The following PON2 variants were observed in gnomAD, a reference collection of about 807,000 sequenced individuals.
PON2 encodes paraoxonase 2.
PON2 carries 27 observed loss-of-function variants against 36.6 expected under a neutral mutation model. The ratio of observed to expected loss-of-function variants is 0.74; its 90% CI spans 0.54 to 1.02. The LOEUF is 1.02. Ranked by LOEUF, PON2 falls within the 50% of genes least tolerant of loss-of-function variation. The pLI, the probability that PON2 is intolerant of heterozygous loss-of-function variation, is 0.00. For synonymous variants in PON2, 149 were observed against 156.3 expected (o/e 0.95, Z 0.35); for missense variants, 363 against 421.1 (o/e 0.86, Z 1.21).
intron 1 of PON2, among the ~76,000 whole-genome samples, chr7:95,434,675 G>C (rs1042319063): frequency 6.6e-6 from 1 of 152,188 alleles, no homozygotes; most frequent in East Asian, 1.9e-4. Context: ...TCCAAACTTT[G>C]CTAGTTTTTT....
chr7:95,432,760 G>A (rs950999687), intron 1 of PON2, among the ~76,000 whole-genome samples: 2 of 152,174 alleles, frequency 1.3e-5, no homozygotes, highest in Non-Finnish European at 2.9e-5. Flanking sequence ...AGGTCAACAT[G>A]TCCATTTCCT....
chr7:95,413,841 G>A (rs886243070), intron 3 of PON2, among the ~76,000 whole-genome samples: 3 of 152,120 alleles, frequency 2.0e-5, no homozygotes, highest in African/African-American at 7.2e-5. Flanking sequence ...ATATTTTCAT[G>A]GAGGGCAAGC....
intron 2 of PON2, 75 bp from the exon 3 acceptor site, chr7:95,416,372 G>A: frequency 2.0e-6 from 3 of 1,499,238 alleles, no homozygotes; most frequent in Middle Eastern, 1.7e-4. Flanking sequence ...CTGGGACTCT[G>A]TTTACTTTAT....
rs747970545 is a variant in PON2, at chr7:95,406,183, AC to A, written c.841del (p.Val281Ter). The A allele has an allele frequency of 2.5e-6, 4 of 1,612,934 alleles. No individual in the cohort carries two copies. The African/African-American group carries it at 5.3e-5, about 22-fold the overall frequency. ...SIDPSSGDIW[V>X]GCHPNGQKLF... ...CTTCTGGCCATTAGGATGACAGCCT[AC>A]CCAGATGTCCCCCGAGGAAGGATCA... On this transcript the variant is annotated frameshift_variant, in exon 8 of 9. Transcript: ENST00000222572. LOFTEE classifies it high-confidence loss of function.
chr7:95,420,845 T>C (rs1243312474), intron 2 of PON2, among the ~76,000 whole-genome samples: 1 of 152,236 alleles, frequency 6.6e-6, no homozygotes, highest in Non-Finnish European at 1.5e-5. Flanking sequence ...CACATTGTTA[T>C]TTCTTCTTAT....
chr7:95,415,874 C>T (rs1471661299), intron 3 of PON2: 3 of 222,572 alleles, frequency 1.3e-5, no homozygotes, highest in Non-Finnish European at 2.7e-5. Context: ...ATTGCTTGAA[C>T]CCGGGAGGCG....
chr7:95,413,431 T>C (rs1788987145), intron 3 of PON2, among the ~76,000 whole-genome samples: 1 of 152,262 alleles, frequency 6.6e-6, no homozygotes, highest in African/African-American at 2.4e-5. Context: ...TGAGCATTAA[T>C]GCAAATGCAG....
chr7:95,422,917 A>C (rs1398200426), intron 2 of PON2, among the ~76,000 whole-genome samples: 1 of 152,200 alleles, frequency 6.6e-6, no homozygotes, highest in Non-Finnish European at 1.5e-5. Context: ...TAGGTGACAA[A>C]TACAAAAACC....
chr7:95,431,553 G>A (rs1789442243), intron 1 of PON2, among the ~76,000 whole-genome samples: 1 of 151,830 alleles, frequency 6.6e-6, no homozygotes, highest in Admixed American at 6.6e-5. Context: ...CCAAGTAGCT[G>A]GGATTACAGG....
intron 2 of PON2, among the ~76,000 whole-genome samples, chr7:95,423,873 G>A (rs987816226): frequency 1.3e-5 from 2 of 152,076 alleles, no homozygotes; most frequent in African/African-American, 4.8e-5. Flanking sequence ...TCACATGGCG[G>A]CAGCAAGGAG....
chr7:95,405,511 G>A (rs376346826), intron 8 of PON2, 23 bp from the exon 9 acceptor site: 31 of 1,602,158 alleles, frequency 1.9e-5, no homozygotes, highest in Non-Finnish European at 2.7e-5. Flanking sequence ...TACAAAGTAT[G>A]AATATAAGAC....
In PON2 at chr7:95,434,873, C is replaced by T. The variant is rs1789528682; in HGVS notation, c.74+5G>A. 1 of 1,540,214 alleles carries T rather than the reference C, an allele frequency of 6.5e-7. No individual in the cohort carries two copies. Among genetic ancestry groups the T allele is most frequent in the East Asian group, 2.5e-5 (1 of 40,344 alleles). ...CGAGGAGGGGCGCGCGGGAGTCCCA[C>T]CTACCTGAGTGCCAGAAGCCTCTCG... On this transcript the variant is annotated splice_donor_5th_base_variant and intron_variant, in intron 1 of 8. Transcript: ENST00000222572.
chr7:95,408,406 T>G (rs6961773), intron 6 of PON2, among the ~76,000 whole-genome samples: 39,379 of 152,018 alleles, frequency 0.26, 5,516 homozygotes, highest in South Asian at 0.36. Flanking sequence ...GAGGCACAGG[T>G]AGAACCAACA....
At chr7:95,412,141 C>T (rs1393007268) in intron 4 of PON2, among the ~76,000 whole-genome samples, 171 bp downstream of exon 4, 1 of 152,214 alleles carries the variant, frequency 6.6e-6, no homozygotes, top group Non-Finnish European at 1.5e-5. Context: ...TGTAGCATAA[C>T]TTACTGCCAG....
chr7:95,424,125 G>C, intron 2 of PON2: 1 of 254,806 alleles, frequency 3.9e-6, no homozygotes, highest in East Asian at 9.6e-5. Context: ...CCTAGTTATA[G>C]AGTAGTGAGC....
Position 95,406,184 on chromosome 7 carries a change from C to T in PON2, c.841G>A (p.Val281Ile). 6.2e-7 allele frequency: 1 copy of T among 1,612,644 alleles called. No homozygotes were observed. The highest frequency in any genetic ancestry group is 1.1e-5 in the South Asian group (1 of 91,044). ...SIDPSSGDIW[V>I]GCHPNGQKLF... The stretch of plus-strand genomic sequence containing the variant: ...TTCTGGCCATTAGGATGACAGCCTA[C>T]CCAGATGTCCCCCGAGGAAGGATCA... The change falls in exon 8 of 9, where the codon GTA becomes ATA. Residue 281 changes from valine (V) to isoleucine (I), a missense_variant. Transcript: ENST00000222572.
intron 6 of PON2, among the ~76,000 whole-genome samples, chr7:95,409,327 A>C (rs1346363855): frequency 6.6e-6 from 1 of 151,966 alleles, no homozygotes; most frequent in African/African-American, 2.4e-5. Context: ...AACAAAACAA[A>C]AAAAAAACAC....
chr7:95,407,561 T>G (rs564238454), intron 6 of PON2, among the ~76,000 whole-genome samples: 1 of 152,182 alleles, frequency 6.6e-6, no homozygotes, highest in East Asian at 1.9e-4. Context: ...ATAATCTGTC[T>G]ACTTCAAAGG....
At chr7:95,433,521 C>T (rs1415511304) in intron 1 of PON2, among the ~76,000 whole-genome samples, 1 of 152,190 alleles carries the variant, frequency 6.6e-6, no homozygotes, top group African/African-American at 2.4e-5. Flanking sequence ...CTCTATAAAA[C>T]ACAACTAGTT....
Sources: gnomAD v4.1 joint callset for allele counts (sites outside exome capture counted in the v4.1 genomes callset) on GRCh38, gnomAD v4.1.1 for gene constraint, MANE v1.5 for transcripts, NCBI Gene and HGNC (gene_info 2026-07-23, HGNC 2026-07-21) for gene names.